The following SYTL5 variants were observed in gnomAD, a reference collection of about 807,000 sequenced individuals.
The protein encoded by SYTL5 is synaptotagmin-like protein 5.
Under a neutral mutation model 55.9 loss-of-function variants are expected in SYTL5, and 34 were observed. The observed-to-expected ratio is 0.61, with a 90% CI of 0.46 to 0.81. SYTL5 has a LOEUF of 0.81. Ranked by LOEUF, SYTL5 falls within the 30% of genes least tolerant of loss-of-function variation. The pLI is 0.00. For missense variants in SYTL5, 637 were observed against 546.7 expected (o/e 1.17, Z -1.65); for synonymous variants, 221 against 188.7 (o/e 1.17, Z -1.40).
chrX:38,072,384 C>G (rs1229063246), intron 4 of SYTL5, among the ~76,000 whole-genome samples: 4 of 112,250 alleles, frequency 3.6e-5, no homozygotes, highest in African/African-American at 1.3e-4. Context: ...ATCTCACCCA[C>G]TAAGATTTTC....
the SYTL5 span, among the ~76,000 whole-genome samples, chrX:37,930,152 C>A: frequency 1.8e-5 from 2 of 111,808 alleles, no homozygotes; most frequent in Non-Finnish European, 3.8e-5. Flanking sequence ...GAGATGGTAA[C>A]CCTGGTTTAA....
chrX:37,895,504 CT>C, the SYTL5 span, among the ~76,000 whole-genome samples: 16 of 44,967 alleles, frequency 3.6e-4, no homozygotes, highest in African/African-American at 2.7e-3. Flanking sequence ...TTCTTTCTTT[CT>C]TTTTCTTTTC....
the SYTL5 span, among the ~76,000 whole-genome samples, chrX:37,950,667 G>C: frequency 9.0e-6 from 1 of 110,665 alleles, no homozygotes; most frequent in Non-Finnish European, 1.9e-5. Context: ...TTTAATGTAT[G>C]ATGTATATTC....
chrX:38,095,592 T>G (rs1009130274), intron 8 of SYTL5, among the ~76,000 whole-genome samples: 1 of 111,935 alleles, frequency 8.9e-6, no homozygotes, highest in Non-Finnish European at 1.9e-5. Context: ...TGAAAGACTC[T>G]TCTGGTCCAT....
intron 3 of SYTL5, among the ~76,000 whole-genome samples, chrX:38,056,715 G>A (rs902445213): frequency 8.9e-6 from 1 of 111,788 alleles, no homozygotes; most frequent in African/African-American, 3.3e-5. Flanking sequence ...GATGATCAAT[G>A]TTGTTGAACA....
In SYTL5 at chrX:38,049,118, G is replaced by T. The variant is rs547681822; in HGVS notation, c.120-5095G>T. On this transcript the variant is annotated intron_variant, in intron 2 of 16. Coordinates refer to ENST00000297875, the MANE Select transcript of SYTL5 (RefSeq NM_138780.3). The stretch of plus-strand genomic sequence containing the variant: ...TATTCTGCCCGCATATATTATTTTA[G>T]TGATTTTTGTGTCATTGTTGACAAT... Among the ~76,000 whole-genome samples, 6 of 111,134 alleles carry T rather than the reference G, an allele frequency of 5.4e-5. No individual in the cohort carries two copies. The South Asian group carries it at 2.3e-3, about 43-fold the overall frequency.
intron 7 of SYTL5, 69 bp downstream of exon 7, chrX:38,089,656 T>A: frequency 9.4e-7 from 1 of 1,059,659 alleles, no homozygotes; most frequent in Non-Finnish European, 1.3e-6. Context: ...CTGCCAGAGA[T>A]TGGGTAATTT....
At chrX:37,950,307 G>A in the SYTL5 span, among the ~76,000 whole-genome samples, 1 of 111,154 alleles carries the variant, frequency 9.0e-6, no homozygotes, top group Admixed American at 9.6e-5. Context: ...CTCACTTAGA[G>A]GAAACCTAAT....
intron 2 of SYTL5, among the ~76,000 whole-genome samples, chrX:38,047,863 G>A (rs1234563669): frequency 9.0e-6 from 1 of 111,180 alleles, no homozygotes; most frequent in Non-Finnish European, 1.9e-5. Flanking sequence ...CTCTAGGGCA[G>A]GGGAAAAATG....
At position 38,109,402 on chromosome X, in the gene SYTL5, G is replaced by C. The variant is rs185616907; in HGVS notation, c.1434+703G>C. 1.5e-4 allele frequency among the ~76,000 whole-genome samples: 17 copies of C among 111,279 alleles called. No individual in the cohort carries two copies. The East Asian group carries it at 4.8e-3, about 31-fold the overall frequency. On this transcript the variant is annotated intron_variant, in intron 12 of 16. Transcript: ENST00000297875. ...TATGGGCTTGTGCCCCAGAGTGATG[G>C]TGTCAGAGTCCACTTTAGGAGGAAA...
the SYTL5 span, among the ~76,000 whole-genome samples, chrX:37,963,291 T>A: frequency 5.1e-5 from 2 of 39,427 alleles, no homozygotes; most frequent in Admixed American, 6.3e-4. Context: ...TTTTGTGGGT[T>A]TTTTTTTTTT....
chrX:38,071,536 A>G (rs1381137829), intron 3 of SYTL5, among the ~76,000 whole-genome samples: 1 of 112,025 alleles, frequency 8.9e-6, no homozygotes, highest in Admixed American at 9.4e-5. Context: ...TGTACATGTT[A>G]TATCAAAGAA....
chrX:38,125,830 T>C (rs1208686471), intron 16 of SYTL5, among the ~76,000 whole-genome samples: 1 of 111,878 alleles, frequency 8.9e-6, no homozygotes, highest in African/African-American at 3.3e-5. Flanking sequence ...CAGGGGATGA[T>C]TACCAAGACA....
the SYTL5 span, among the ~76,000 whole-genome samples, chrX:37,979,818 T>TC: frequency 2.7e-5 from 3 of 109,217 alleles, no homozygotes; most frequent in Non-Finnish European, 3.8e-5. Flanking sequence ...TCTTTTCTTT[T>TC]TTTTTTATTA....
chrX:37,899,263 G>A, the SYTL5 span, among the ~76,000 whole-genome samples: 235 of 110,726 alleles, frequency 2.1e-3, no homozygotes, highest in Middle Eastern at 4.6e-3. Flanking sequence ...GTGCAGTGGC[G>A]CAATCATAGC....
chrX:37,926,640 G>T, the SYTL5 span, among the ~76,000 whole-genome samples: 1 of 111,587 alleles, frequency 9.0e-6, no homozygotes, highest in South Asian at 3.7e-4. Flanking sequence ...ATTGGATACT[G>T]AGGCTTTACA....
chrX:38,071,580 A>G (rs1936265478), intron 3 of SYTL5, among the ~76,000 whole-genome samples: 1 of 111,748 alleles, frequency 8.9e-6, no homozygotes, highest in East Asian at 2.8e-4. Flanking sequence ...CATAAGTCTG[A>G]TCACAGAGTC....
chrX:37,955,577 A>G, the SYTL5 span, among the ~76,000 whole-genome samples: 2 of 112,221 alleles, frequency 1.8e-5, no homozygotes, highest in African/African-American at 6.5e-5. Flanking sequence ...TTAAGAGACG[A>G]CAGCCTTTTC....
At position 38,126,893 on chromosome X, in the gene SYTL5, C is replaced by A; in HGVS notation, c.*163C>A. ...AGTAGTATGAACATTTAGGGTCTTG[C>A]TGAGTGCCTAAAAAACATATATTTC... On this transcript the variant is annotated 3_prime_UTR_variant, in exon 17 of 17. Coordinates refer to ENST00000297875, the MANE Select transcript of SYTL5 (RefSeq NM_138780.3). 2 of 478,533 alleles carry A rather than the reference C, an allele frequency of 4.2e-6. No homozygotes were observed. Among genetic ancestry groups the A allele is most frequent in the Non-Finnish European group, 6.7e-6 (2 of 296,923 alleles). The allele number at this position is 478,533 out of a possible 1,213,427, so 39.4% of individuals were successfully genotyped here.
Sources: allele counts gnomAD v4.1 joint callset (sites outside exome capture counted in the v4.1 genomes callset), GRCh38; gene constraint gnomAD v4.1.1; transcripts MANE v1.5; gene names NCBI Gene and HGNC (gene_info 2026-07-23, HGNC 2026-07-21).